HDAC9: variants seen among roughly 807,000 people sequenced by gnomAD.
HDAC9 encodes MEF-2 interacting transcription repressor (MITR) protein.
A neutral mutation model predicts 139.4 loss-of-function variants in HDAC9; 41 were observed. The observed-to-expected ratio is 0.29, with a 90% CI of 0.23 to 0.38. The LOEUF is 0.38. Ranked by LOEUF, HDAC9 falls within the 10% of genes least tolerant of loss-of-function variation. The pLI, the probability that HDAC9 is intolerant of heterozygous loss-of-function variation, is 1.00. For missense variants in HDAC9, 1,147 were observed against 1,297.0 expected (o/e 0.88, Z 1.78); for synonymous variants, 517 against 476.2 (o/e 1.09, Z -1.12).
intron 17 of HDAC9, among the ~76,000 whole-genome samples, chr7:18,817,060 A>T (rs575848459): frequency 6.8e-6 from 1 of 147,928 alleles, no homozygotes; most frequent in Non-Finnish European, 1.5e-5. Context: ...TTTGAAATGG[A>T]GTCTCGCGCT....
intron 2 of HDAC9, among the ~76,000 whole-genome samples, chr7:18,261,477 T>C (rs1008214073): frequency 8.5e-5 from 13 of 152,174 alleles, no homozygotes; most frequent in Non-Finnish European, 1.9e-4. Context: ...GTTCAGTCCA[T>C]TGGGCCAGTA....
At chr7:18,859,224 C>T (rs938481231) in intron 21 of HDAC9, among the ~76,000 whole-genome samples, 4 of 152,152 alleles carry the variant, frequency 2.6e-5, no homozygotes, top group Admixed American at 6.6e-5. Context: ...TGCCTGGCAC[C>T]TAGTACATTG....
At chr7:18,280,624 G>T (rs1182448326) in intron 2 of HDAC9, among the ~76,000 whole-genome samples, 2 of 150,798 alleles carry the variant, frequency 1.3e-5, no homozygotes, top group Non-Finnish European at 3.0e-5. Flanking sequence ...AATAGCTGGC[G>T]TGTTGGCCTG....
chr7:18,358,168 A>G (rs1317893116), intron 1 of HDAC9, among the ~76,000 whole-genome samples: 1 of 152,196 alleles, frequency 6.6e-6, no homozygotes, highest in African/African-American at 2.4e-5. Flanking sequence ...AGCCTGGGCA[A>G]CAGAGAGATA....
chr7:18,960,440 ATAT>A (rs940985492), intron 24 of HDAC9, among the ~76,000 whole-genome samples: 2 of 151,892 alleles, frequency 1.3e-5, no homozygotes, highest in Non-Finnish European at 2.9e-5. Context: ...ATTATTACTA[ATAT>A]TATTATATCT....
At chr7:18,422,552 C>G (rs561795802) in intron 1 of HDAC9, among the ~76,000 whole-genome samples, 40 of 152,056 alleles carry the variant, frequency 2.6e-4, no homozygotes, top group African/African-American at 8.0e-4. Flanking sequence ...CTCTATTAGG[C>G]AAGAATGAGG....
rs975653914 is a variant in HDAC9 at position 19,001,532 on chromosome 7, A to T, written c.*5470A>T. On this transcript the variant is annotated 3_prime_UTR_variant, in exon 26 of 26. Transcript: ENST00000686413. ...ATTGGTTTTATTAACTTAAAATTCA[A>T]CAGAAATGGAGTAATTAAAAAAAAA... The T allele has an allele frequency of 7.3e-6, 1 of 137,700 alleles. No individual in the cohort carries two copies. Among genetic ancestry groups the T allele is most frequent in the African/African-American group, 2.9e-5 (1 of 34,486 alleles). The allele number at this position is 137,700 out of a possible 1,614,324, so 8.5% of individuals were successfully genotyped here. A position where few individuals can be genotyped will look rare whatever the true frequency, so the allele number is the denominator to read the frequency against.
intron 22 of HDAC9, among the ~76,000 whole-genome samples, chr7:18,915,667 G>A (rs1057458497): frequency 1.5e-4 from 23 of 150,524 alleles, no homozygotes; most frequent in South Asian, 1.5e-3. Flanking sequence ...AAAAGCAGTC[G>A]GAACTTCAAA....
At chr7:18,478,454 T>C (rs907963539) in intron 1 of HDAC9, among the ~76,000 whole-genome samples, 3 of 152,368 alleles carry the variant, frequency 2.0e-5, no homozygotes, top group African/African-American at 7.2e-5. Flanking sequence ...CATTATTAGC[T>C]CATTCCTTTT....
chr7:18,194,612 C>T (rs1790602931), intron 2 of HDAC9, among the ~76,000 whole-genome samples: 1 of 152,146 alleles, frequency 6.6e-6, no homozygotes, highest in Non-Finnish European at 1.5e-5. Context: ...ACTAGTAACA[C>T]TTCTTGAATC....
intron 2 of HDAC9, among the ~76,000 whole-genome samples, chr7:18,177,279 C>T (rs1180594743): frequency 1.3e-5 from 2 of 152,164 alleles, no homozygotes; most frequent in South Asian, 2.1e-4. Context: ...TGCTTGAAGA[C>T]GGATGGATCT....
chr7:18,949,938 G>A (rs1194199104), intron 23 of HDAC9, among the ~76,000 whole-genome samples: 1 of 151,752 alleles, frequency 6.6e-6, no homozygotes, highest in East Asian at 1.9e-4. Flanking sequence ...ATTTACAAAA[G>A]CATTAAACAA....
At chr7:18,644,486 A>G (rs1786727500) in intron 8 of HDAC9, among the ~76,000 whole-genome samples, 185 bp from the exon 9 acceptor site, 1 of 152,158 alleles carries the variant, frequency 6.6e-6, no homozygotes, top group South Asian at 2.1e-4. Flanking sequence ...CAGATTTTAT[A>G]ACTATGTCTT....
intron 1 of HDAC9, among the ~76,000 whole-genome samples, chr7:18,471,636 C>CCTGAGTTAGG (rs1794733115): frequency 1.3e-5 from 2 of 152,192 alleles, no homozygotes; most frequent in Non-Finnish European, 2.9e-5. Flanking sequence ...TGCTACCCAA[C>CCTGAGTTAGG]ATAACTCAGC....
intron 1 of HDAC9, among the ~76,000 whole-genome samples, chr7:18,323,592 G>A (rs1800199037): frequency 6.6e-6 from 1 of 152,150 alleles, no homozygotes; most frequent in Admixed American, 6.6e-5. Flanking sequence ...GTGGAGCCTA[G>A]AGGCATTGTA....
intron 2 of HDAC9, among the ~76,000 whole-genome samples, chr7:18,530,140 A>T (rs1808403068): frequency 6.6e-6 from 1 of 151,972 alleles, no homozygotes; most frequent in Admixed American, 6.6e-5. Context: ...AAAATAAAAA[A>T]AATAAGCCAG....
intron 2 of HDAC9, among the ~76,000 whole-genome samples, chr7:18,233,256 C>A (rs1793589974): frequency 6.6e-6 from 1 of 151,944 alleles, no homozygotes; most frequent in South Asian, 2.1e-4. Flanking sequence ...TGAGATTTTT[C>A]TGCTTCTTGG....
chr7:18,277,906 T>G lies in HDAC9; in HGVS notation c.25+115557T>G, dbSNP rs17138904. On this transcript the variant is annotated intron_variant, in intron 2 of 12. Transcript: ENST00000417496. ...TTGGTTAATTTAACTATCCCAGAGATCAAGTTTTAAAAAAACTTGTTATCG... is the reference window on the plus strand; with the variant it reads ...TTGGTTAATTTAACTATCCCAGAGAGCAAGTTTTAAAAAAACTTGTTATCG... 4.6e-5 allele frequency among the ~76,000 whole-genome samples: 7 copies of G among 152,068 alleles called. 1 individual carries two copies. Among genetic ancestry groups the G allele is most frequent in the African/African-American group, 1.4e-4 (6 of 41,490 alleles).
In HDAC9 at chr7:18,610,609, C is replaced by T. The variant is rs540045070; in HGVS notation, c.664+16580C>T. On this transcript the variant is annotated intron_variant, in intron 6 of 25. Coordinates refer to ENST00000686413, the MANE Select transcript of HDAC9 (RefSeq NM_178425.4). ...TAAGAGCAAAACCCTAACCAGCATT[C>T]ATCCATCTAATGGGCAGCTTTGATG... Among the ~76,000 whole-genome samples, 4 of 152,322 alleles carry T rather than the reference C, an allele frequency of 2.6e-5. No individual in the cohort carries two copies. The South Asian group carries it at 8.3e-4, about 32-fold the overall frequency.
Sources: gnomAD v4.1 joint callset for allele counts (sites outside exome capture counted in the v4.1 genomes callset) on GRCh38, gnomAD v4.1.1 for gene constraint, MANE v1.5 for transcripts, NCBI Gene and HGNC (gene_info 2026-07-23, HGNC 2026-07-21) for gene names.